CTNNA3: variants seen among roughly 807,000 people sequenced by gnomAD.
The protein encoded by CTNNA3 is catenin alpha 3.
In CTNNA3, 76 loss-of-function variants were observed where a neutral mutation model predicts 95.7. The ratio of observed to expected loss-of-function variants is 0.79; its 90% confidence interval spans 0.66 to 0.96. The LOEUF (loss-of-function observed/expected upper bound fraction) is 0.96. CTNNA3 is among the 40% of genes least tolerant of loss of function. CTNNA3 has a pLI of 0.00. For missense variants in CTNNA3, 1,191 were observed against 1,089.8 expected, an observed-to-expected ratio of 1.09 and a Z score of -1.31; for synonymous variants, 431 against 374.4, an observed-to-expected ratio of 1.15 and a Z score of -1.74.
chr10:66,752,241 A>G (rs1306537889), intron 9 of CTNNA3, among the ~76,000 whole-genome samples: 1 of 152,152 alleles, frequency 6.6e-6, no homozygotes, highest in Admixed American at 6.6e-5. Context: ...TAAATGGTAG[A>G]CACATAGATC....
intron 5 of CTNNA3, among the ~76,000 whole-genome samples, chr10:67,484,398 T>C (rs1467268953): frequency 1.3e-5 from 2 of 152,150 alleles, no homozygotes; most frequent in Non-Finnish European, 2.9e-5. Flanking sequence ...GACATTGACT[T>C]TGGGAAATAA....
intron 14 of CTNNA3, among the ~76,000 whole-genome samples, chr10:66,075,598 T>C (rs10996879): frequency 0.18 from 27,214 of 151,756 alleles, 2,914 homozygotes; most frequent in Middle Eastern, 0.24. Flanking sequence ...TCACAGAGCC[T>C]AGGCAAGAAC....
chr10:67,114,709 G>GGGGTGTGTGTGT (rs1554924160), intron 7 of CTNNA3, among the ~76,000 whole-genome samples: 1 of 144,754 alleles, frequency 6.9e-6, no homozygotes, highest in African/African-American at 2.6e-5. Context: ...GGTTCTTAAA[G>GGGGTGTGTGTGT]GTGTGTGTGT....
At chr10:67,585,729 G>A (rs1445548445) in intron 3 of CTNNA3, among the ~76,000 whole-genome samples, 1 of 151,590 alleles carries the variant, frequency 6.6e-6, no homozygotes, top group East Asian at 1.9e-4. Flanking sequence ...CTTCTTGGTT[G>A]GTCTAGCTAG....
chr10:67,485,005 GACACATGC>G (rs1848389256), intron 5 of CTNNA3, among the ~76,000 whole-genome samples: 1 of 152,100 alleles, frequency 6.6e-6, no homozygotes, highest in African/African-American at 2.4e-5. Context: ...CTACCAAAAA[GACACATGC>G]ACTCATATGT....
chr10:67,750,687 A>G (rs1841402345), intron 1 of CTNNA3: 1 of 1,555,658 alleles, frequency 6.4e-7, no homozygotes, highest in Admixed American at 1.7e-5. Context: ...TCGGTGGAAA[A>G]GCAATGTTCT....
At chr10:67,725,595 C>T (rs896194812) in intron 1 of CTNNA3, among the ~76,000 whole-genome samples, 6 of 151,882 alleles carry the variant, frequency 4.0e-5, no homozygotes, top group Admixed American at 2.6e-4. Flanking sequence ...AAATCCAGAA[C>T]AAACACAGTC....
intron 9 of CTNNA3, among the ~76,000 whole-genome samples, chr10:66,644,812 T>C (rs1845648993): frequency 6.6e-6 from 1 of 152,086 alleles, no homozygotes; most frequent in African/African-American, 2.4e-5. Flanking sequence ...TGTAGGTTCA[T>C]GGATTCACCA....
intron 9 of CTNNA3, among the ~76,000 whole-genome samples, chr10:66,677,774 C>G (rs1846913642): frequency 1.3e-5 from 2 of 152,088 alleles, no homozygotes; most frequent in Non-Finnish European, 2.9e-5. Context: ...AACTTCTTTC[C>G]TTTATAAATT....
At chr10:67,577,393 T>G (rs1431294562) in intron 3 of CTNNA3, among the ~76,000 whole-genome samples, 5 of 152,180 alleles carry the variant, frequency 3.3e-5, no homozygotes, top group Non-Finnish European at 7.3e-5. Flanking sequence ...TTTTTTCTTG[T>G]AAATTTGAGT....
At chr10:67,040,165 G>A (rs1465651452) in intron 7 of CTNNA3, among the ~76,000 whole-genome samples, 1 of 152,056 alleles carries the variant, frequency 6.6e-6, no homozygotes, top group East Asian at 1.9e-4. Context: ...GTTAAGTGAA[G>A]GGAAACAAGC....
intron 15 of CTNNA3, among the ~76,000 whole-genome samples, chr10:66,022,598 GACACACACACAC>G (rs34537265): frequency 0.57 from 85,497 of 149,360 alleles, 24,220 homozygotes; most frequent in Admixed American, 0.6. Flanking sequence ...ATATGCACAT[GACACACACACAC>G]ACACACACAC....
chr10:66,500,720 C>T (rs1362658684), intron 11 of CTNNA3, among the ~76,000 whole-genome samples: 3 of 152,106 alleles, frequency 2.0e-5, no homozygotes, highest in East Asian at 1.9e-4. Flanking sequence ...ACAAAAAGGA[C>T]GTATTTTTCT....
intron 9 of CTNNA3, among the ~76,000 whole-genome samples, chr10:66,680,383 A>C (rs1157927206): frequency 6.6e-6 from 1 of 152,096 alleles, no homozygotes; most frequent in Non-Finnish European, 1.5e-5. Flanking sequence ...TAATACTTAC[A>C]CAATTATTAT....
At chr10:67,747,285 G>T (rs143767175) in intron 1 of CTNNA3, among the ~76,000 whole-genome samples, 2 of 152,220 alleles carry the variant, frequency 1.3e-5, no homozygotes, top group Admixed American at 1.3e-4. Flanking sequence ...GGCAGCCAGC[G>T]TGCTTTATTA....
At chr10:67,719,056 A>G (rs2133617518) in intron 1 of CTNNA3, among the ~76,000 whole-genome samples, 1 of 152,218 alleles carries the variant, frequency 6.6e-6, no homozygotes, top group Admixed American at 6.5e-5. Context: ...CCAGGAATTT[A>G]TCCATTTCTT....
chr10:67,008,885 T>C (rs1442658327), intron 7 of CTNNA3, among the ~76,000 whole-genome samples: 1 of 152,212 alleles, frequency 6.6e-6, no homozygotes, highest in East Asian at 1.9e-4. Context: ...TGAGGGTTTA[T>C]ACTATCTTGT....
chr10:66,406,998 T>G (rs889330890), intron 11 of CTNNA3, among the ~76,000 whole-genome samples: 1 of 152,118 alleles, frequency 6.6e-6, no homozygotes, highest in African/African-American at 2.4e-5. Flanking sequence ...ACTAATTAAT[T>G]TACCCTTTTA....
At chr10:66,521,232 C>T (rs914819081) in intron 10 of CTNNA3, among the ~76,000 whole-genome samples, 2 of 151,816 alleles carry the variant, frequency 1.3e-5, no homozygotes, top group Non-Finnish European at 2.9e-5. Flanking sequence ...AATTTTCCTA[C>T]TCCCTCTATT....
Sources: gnomAD v4.1 joint callset for allele counts (sites outside exome capture counted in the v4.1 genomes callset) on GRCh38, gnomAD v4.1.1 for gene constraint, MANE v1.5 for transcripts, NCBI Gene and HGNC (gene_info 2026-07-23, HGNC 2026-07-21) for gene names.